Variants in CA5A observed in about 807,000 individuals in gnomAD.
CA5A encodes carbonic anhydrase 5A.
Under a neutral mutation model 37.1 loss-of-function variants are expected in CA5A, and 28 were observed. The observed-to-expected ratio is 0.75, with a 90% confidence interval of 0.56 to 1.03. The LOEUF is 1.03. CA5A is among the 50% of genes least tolerant of loss of function. CA5A has a pLI of 0.00. For synonymous variants in CA5A, 171 were observed against 158.4 expected (o/e 1.08, Z -0.60); for missense variants, 444 against 399.9 (o/e 1.11, Z -0.94).
At position 87,893,285 on chromosome 16, in the gene CA5A, G is replaced by A. The variant is rs1403410492; in HGVS notation, c.619-1331C>T. ...TGGGACTACATCTTCACGCCATCGC[G>A]ACCAGCTAATTTTTTATATTTTTAG... On this transcript the variant is annotated intron_variant, in intron 5 of 6. Coordinates refer to ENST00000649794, the MANE Select transcript of CA5A (RefSeq NM_001739.2). 4.1e-5 allele frequency: 15 copies of A among 368,182 alleles called. 1 individual carries two copies. Among genetic ancestry groups the A allele is most frequent in the South Asian group, 1.2e-4 (4 of 32,162 alleles). 22.8% of individuals were successfully genotyped at this position (368,182 alleles called of 1,614,324 possible). A position where few individuals can be genotyped will look rare whatever the true frequency, so the allele number is the denominator to read the frequency against.
chr16:87,894,178 G>T (rs548266050), intron 5 of CA5A, among the ~76,000 whole-genome samples: 46 of 151,946 alleles, frequency 3.0e-4, no homozygotes, highest in Middle Eastern at 3.4e-3. Flanking sequence ...TTCCAGGCTG[G>T]AGTGCCGTGG....
intron 1 of CA5A, among the ~76,000 whole-genome samples, chr16:87,935,068 G>C (rs2056453469): frequency 1.3e-5 from 2 of 152,240 alleles, no homozygotes; most frequent in Non-Finnish European, 2.9e-5. Context: ...CTCGAGATAA[G>C]GACACAGAGG....
chr16:87,905,089 C>G lies in CA5A; in HGVS notation c.341-185G>C, dbSNP rs188966548. Among the ~76,000 whole-genome samples, 1,046 of 144,336 alleles carry G rather than the reference C, an allele frequency of 7.2e-3. 40 individuals carry two copies. Among genetic ancestry groups the G allele is most frequent in the South Asian group, 0.072 (339 of 4,702 alleles). The allele number at this position is 144,336 out of a possible 152,430, so 94.7% of individuals were successfully genotyped here. ...GCTCTGTCTGTCCCATTCACTCTGC[C>G]CCCCCCCAGCCCAGCGCCTGCCCAG... is the stretch of plus-strand genomic sequence containing the variant. On this transcript the variant is annotated intron_variant, in intron 2 of 6. Transcript: ENST00000649794.
intron 6 of CA5A, among the ~76,000 whole-genome samples, chr16:87,891,490 G>C (rs1267182733): frequency 6.6e-6 from 1 of 151,380 alleles, no homozygotes; most frequent in East Asian, 1.9e-4. Flanking sequence ...GGAAAGAAAA[G>C]AAAAAGGAAG....
chr16:87,905,196 A>C (rs2055942501), intron 2 of CA5A, among the ~76,000 whole-genome samples: 1 of 152,192 alleles, frequency 6.6e-6, no homozygotes, highest in Admixed American at 6.5e-5. Context: ...CCCTGCAGGC[A>C]GAAATCCGTA....
At chr16:87,902,634 C>T (rs1242528529) in intron 3 of CA5A, 114 bp from the exon 4 acceptor site, 26 of 672,688 alleles carry the variant, frequency 3.9e-5, no homozygotes, top group South Asian at 6.6e-5. Context: ...TGGCCAGGCG[C>T]GGTGGCTCAC....
chr16:87,916,804 T>G (rs2056150492), intron 2 of CA5A, among the ~76,000 whole-genome samples: 1 of 151,990 alleles, frequency 6.6e-6, no homozygotes. Flanking sequence ...AGCTGGACGA[T>G]CAGAAATGGG....
At chr16:87,929,717 A>G (rs1333378909) in intron 1 of CA5A, among the ~76,000 whole-genome samples, 2 of 148,952 alleles carry the variant, frequency 1.3e-5, no homozygotes, top group Non-Finnish European at 3.0e-5. Flanking sequence ...CTAAAAATAC[A>G]AAAAATTAGC....
chr16:87,898,926 G>A (rs1421496937), intron 5 of CA5A, among the ~76,000 whole-genome samples: 1 of 151,952 alleles, frequency 6.6e-6, no homozygotes, highest in African/African-American at 2.4e-5. Context: ...GTAGAGACGG[G>A]GTTTTGCCAT....
intron 2 of CA5A, among the ~76,000 whole-genome samples, chr16:87,908,288 C>T (rs1238329548): frequency 1.3e-5 from 2 of 152,180 alleles, no homozygotes; most frequent in Non-Finnish European, 2.9e-5. Context: ...TGAGCCTAAG[C>T]CTCTCTACCT....
At chr16:87,915,590 G>A (rs1387287118) in intron 2 of CA5A, among the ~76,000 whole-genome samples, 1 of 123,938 alleles carries the variant, frequency 8.1e-6, no homozygotes, top group African/African-American at 3.1e-5. Context: ...CCAGGAGGCT[G>A]AGGTGGGAGG....
intron 2 of CA5A, among the ~76,000 whole-genome samples, chr16:87,913,579 C>A (rs150012635): frequency 6.6e-6 from 1 of 152,164 alleles, no homozygotes; most frequent in East Asian, 1.9e-4. Flanking sequence ...ATTCCTCTTC[C>A]GTGGGCCTCC....
rs2055923217 is a variant in CA5A at position 87,904,198 on chromosome 16, A to C, written c.459+588T>G. ...CTCTACTAAAAATACAAAAATTAGC[A>C]GGGCCTGGTGGCACGCACCTGTAAT... On this transcript the variant is annotated intron_variant, in intron 3 of 6. Coordinates refer to ENST00000649794, the MANE Select transcript of CA5A (RefSeq NM_001739.2). Among the ~76,000 whole-genome samples the C allele has an allele frequency of 3.9e-5, 6 of 151,918 alleles. No homozygotes were observed. In the South Asian group the frequency reaches 1.2e-3, roughly 32 times the overall value.
chr16:87,920,705 G>T (rs1399494593), intron 2 of CA5A, among the ~76,000 whole-genome samples: 2 of 151,786 alleles, frequency 1.3e-5, no homozygotes, highest in Non-Finnish European at 2.9e-5. Flanking sequence ...TACAACTTCC[G>T]CCTCCCAGGT....
chr16:87,932,890 G>C (rs1363449042), intron 1 of CA5A, among the ~76,000 whole-genome samples: 1 of 152,212 alleles, frequency 6.6e-6, no homozygotes, highest in Non-Finnish European at 1.5e-5. Context: ...TGGCCACCTG[G>C]TGACCTGCTT....
intron 5 of CA5A, 33 bp downstream of exon 5, chr16:87,901,879 G>T (rs760364703): frequency 3.8e-6 from 6 of 1,592,058 alleles, no homozygotes; most frequent in Non-Finnish European, 4.3e-6. Flanking sequence ...GAGCCTCCGC[G>T]CCCGGCCTGC....
chr16:87,897,173 C>T (rs73239014), intron 5 of CA5A, among the ~76,000 whole-genome samples: 3,725 of 152,328 alleles, frequency 0.024, 153 homozygotes, highest in African/African-American at 0.085. Context: ...GGCACAGAGC[C>T]GTTCCCTGGA....
chr16:87,928,808 G>A (rs1475934934), intron 1 of CA5A, among the ~76,000 whole-genome samples: 7 of 115,924 alleles, frequency 6.0e-5, no homozygotes, highest in South Asian at 5.8e-4. Flanking sequence ...TCACTCGGTC[G>A]CCCAGGCTGC....
chr16:87,890,762 A>C (rs4843729), intron 6 of CA5A, among the ~76,000 whole-genome samples: 137,026 of 152,038 alleles, frequency 0.9, 61,963 homozygotes, highest in East Asian at 1. Context: ...ATTACAGGCA[A>C]ACGCCACCAT....
Sources: allele counts gnomAD v4.1 joint callset (sites outside exome capture counted in the v4.1 genomes callset), GRCh38; gene constraint gnomAD v4.1.1; transcripts MANE v1.5; gene names NCBI Gene and HGNC (gene_info 2026-07-23, HGNC 2026-07-21).